WDR59: variants seen among roughly 807,000 people sequenced by gnomAD.
WDR59 encodes the protein GATOR2 complex protein WDR59.
WDR59 carries 100 observed loss-of-function variants against 131.2 expected under a neutral mutation model. The ratio of observed to expected loss-of-function variants is 0.76; its 90% CI spans 0.65 to 0.90. The LOEUF (loss-of-function observed/expected upper bound fraction) is 0.90, where lower values mean the gene tolerates loss of function less well. WDR59 is among the 40% of genes least tolerant of loss of function. The pLI, the probability that WDR59 is intolerant of heterozygous loss-of-function variation, is 0.00. For synonymous variants in WDR59, 601 were observed against 466.2 expected, an observed-to-expected ratio of 1.29 and a Z score of -3.72; for missense variants, 1,203 against 1,262.2, an observed-to-expected ratio of 0.95 and a Z score of 0.71.
Position 74,912,302 on chromosome 16 carries a change from T to C in WDR59, c.1285A>G (p.Met429Val), listed in dbSNP as rs201735826. The C allele has an allele frequency of 2.5e-6, 4 of 1,614,180 alleles. No individual in the cohort carries two copies. The highest frequency in any genetic ancestry group is 2.5e-6 in the Non-Finnish European group (3 of 1,180,032). Reference sequence around the variant, plus strand: ...TACTGTGCAGGGAACTTCACCAGCATCTTGACACGATGGTTGCTGCAGTGC... The same window carrying C: ...TACTGTGCAGGGAACTTCACCAGCACCTTGACACGATGGTTGCTGCAGTGC... ...SVHCSNHRVK[M>V]LVKFPAQYPN... Residue 429 changes from methionine to valine, a missense_variant, in exon 14 of 26, where the codon ATG (methionine) becomes GTG (valine). Met to Val is a conservative substitution (Grantham distance 21). Coordinates refer to ENST00000262144, the MANE Select transcript of WDR59 (RefSeq NM_030581.4).
rs113257969 is a variant in WDR59, at chr16:74,979,358, C to T, written c.54+5606G>A. On this transcript the variant is annotated intron_variant, in intron 1 of 25. Coordinates refer to ENST00000262144, the MANE Select transcript of WDR59 (RefSeq NM_030581.4). ...GCGGGCGCCTGTAGTCCCAGCTACTCGGGAGGCTGAGGCAGGAGAATGGCA... is the reference window on the plus strand; with the variant it reads ...GCGGGCGCCTGTAGTCCCAGCTACTTGGGAGGCTGAGGCAGGAGAATGGCA... Among the ~76,000 whole-genome samples the T allele has an allele frequency of 3.5e-3, 532 of 151,474 alleles. 1 individual carries two copies. The highest frequency in any genetic ancestry group is 6.8e-3 in the Middle Eastern group (2 of 294).
intron 6 of WDR59, among the ~76,000 whole-genome samples, chr16:74,944,032 A>G (rs1329408645): frequency 6.6e-6 from 1 of 152,188 alleles, no homozygotes; most frequent in Admixed American, 6.5e-5. Context: ...AAAGTGAGTG[A>G]GAAGAGCTTG....
At chr16:74,938,638 G>A (rs1305358422) in intron 7 of WDR59, among the ~76,000 whole-genome samples, 1 of 152,160 alleles carries the variant, frequency 6.6e-6, no homozygotes, top group Non-Finnish European at 1.5e-5. Context: ...CTGGGCTCAA[G>A]CAGTCCTCCC....
intron 22 of WDR59, among the ~76,000 whole-genome samples, 188 bp downstream of exon 22, chr16:74,887,981 G>A (rs1391541257): frequency 1.3e-5 from 2 of 152,010 alleles, no homozygotes; most frequent in African/African-American, 2.4e-5. Context: ...TACCAAGAGT[G>A]GTGGTGCATG....
chr16:74,984,910 A>C (rs991308448), intron 1 of WDR59, 54 bp downstream of exon 1: 111 of 1,581,980 alleles, frequency 7.0e-5, no homozygotes, highest in Non-Finnish European at 9.3e-5. Flanking sequence ...CGCGTGGGGG[A>C]GGGGAAGCGG....
chr16:74,969,796 G>A (rs988008782), intron 1 of WDR59, among the ~76,000 whole-genome samples: 11 of 151,926 alleles, frequency 7.2e-5, no homozygotes, highest in African/African-American at 2.4e-4. Flanking sequence ...CTGACCTAAG[G>A]TGATCGCCAC....
chr16:74,919,632 C>T (rs1163036601), intron 10 of WDR59, among the ~76,000 whole-genome samples: 4 of 152,058 alleles, frequency 2.6e-5, no homozygotes, highest in African/African-American at 4.8e-5. Context: ...CGTGAGCCAC[C>T]GCACCTGGCC....
rs368044682 is a variant in WDR59 at position 74,984,920 on chromosome 16, G to C, written c.54+44C>G. 4.8e-5 allele frequency: 76 copies of C among 1,591,224 alleles called. No individual in the cohort carries two copies. The African/African-American group carries it at 9.8e-4, about 20-fold the overall frequency. Reference sequence around the variant, plus strand: ...GCAGCCGCGTGGGGGAGGGGAAGCGGGGAGGACGCATGCCCAGAGGGCTCC... The same window carrying C: ...GCAGCCGCGTGGGGGAGGGGAAGCGCGGAGGACGCATGCCCAGAGGGCTCC... On this transcript the variant is annotated intron_variant, in intron 1 of 25. Coordinates refer to ENST00000262144, the MANE Select transcript of WDR59 (RefSeq NM_030581.4).
At chr16:74,974,887 G>C (rs1371170018) in intron 1 of WDR59, among the ~76,000 whole-genome samples, 1 of 152,052 alleles carries the variant, frequency 6.6e-6, no homozygotes, top group Non-Finnish European at 1.5e-5. Flanking sequence ...GGGAAGCTTC[G>C]GCCTGGTTTC....
chr16:74,975,341 A>C (rs1218529656), intron 1 of WDR59, among the ~76,000 whole-genome samples: 12 of 151,906 alleles, frequency 7.9e-5, no homozygotes, highest in Admixed American at 7.9e-4. Context: ...AGCCTGGGAG[A>C]CAGCAATACT....
At chr16:74,948,577 A>G in intron 5 of WDR59, 21 bp from the exon 6 acceptor site, 1 of 1,605,576 alleles carries the variant, frequency 6.2e-7, no homozygotes, top group Non-Finnish European at 8.5e-7. Flanking sequence ...AAAATAAAAA[A>G]TCAAATCCCC....
intron 1 of WDR59, 101 bp from the exon 2 acceptor site, chr16:74,965,923 C>A (rs2033756820): frequency 7.9e-7 from 1 of 1,267,124 alleles, no homozygotes; most frequent in South Asian, 1.2e-5. Context: ...CCAAGAAGTC[C>A]CCAGCTCGCA....
At chr16:74,884,553 G>A (rs1964663698) in intron 25 of WDR59, among the ~76,000 whole-genome samples, 1 of 152,158 alleles carries the variant, frequency 6.6e-6, no homozygotes, top group African/African-American at 2.4e-5. Flanking sequence ...TCACCATGTT[G>A]GCCAGGCTGG....
At chr16:74,885,209 T>C (rs1193886594) in intron 25 of WDR59, among the ~76,000 whole-genome samples, 1 of 152,014 alleles carries the variant, frequency 6.6e-6, no homozygotes, top group Non-Finnish European at 1.5e-5. Flanking sequence ...TCCCAGCACT[T>C]TGGGAGGCCG....
At chr16:74,976,720 T>C (rs903260056) in intron 1 of WDR59, among the ~76,000 whole-genome samples, 26 of 152,266 alleles carry the variant, frequency 1.7e-4, no homozygotes, top group South Asian at 6.2e-4. Context: ...GGATTACAGG[T>C]GTGAGCGACC....
intron 6 of WDR59, among the ~76,000 whole-genome samples, chr16:74,944,595 C>T (rs2032474998): frequency 6.6e-6 from 1 of 151,934 alleles, no homozygotes; most frequent in Admixed American, 6.6e-5. Flanking sequence ...AATAATGTGC[C>T]CCCTGAGAGA....
chr16:74,974,684 C>T (rs1466301729), intron 1 of WDR59, among the ~76,000 whole-genome samples: 1 of 152,172 alleles, frequency 6.6e-6, no homozygotes, highest in African/African-American at 2.4e-5. Flanking sequence ...TGAGTGCCTA[C>T]TTTCCTTCTG....
chr16:74,887,860 G>A (rs1459546875), intron 22 of WDR59, 105 bp from the exon 23 acceptor site: 11 of 1,186,638 alleles, frequency 9.3e-6, no homozygotes, highest in African/African-American at 7.5e-5. Flanking sequence ...GCTCATGCCT[G>A]TAATCCTAGC....
chr16:74,961,266 A>G (rs1230526664), intron 2 of WDR59, among the ~76,000 whole-genome samples: 2 of 152,126 alleles, frequency 1.3e-5, no homozygotes, highest in Non-Finnish European at 2.9e-5. Flanking sequence ...CGTGATCTGC[A>G]TTCCAGCCTA....
Sources: gnomAD v4.1 joint callset for allele counts (sites outside exome capture counted in the v4.1 genomes callset) on GRCh38, gnomAD v4.1.1 for gene constraint, MANE v1.5 for transcripts, NCBI Gene and HGNC (gene_info 2026-07-23, HGNC 2026-07-21) for gene names.